KIF26B: variants seen among roughly 807,000 people sequenced by gnomAD.
KIF26B encodes kinesin family member 26B, also known as kinesin-like protein KIF26B.
Under a neutral mutation model 151.2 loss-of-function variants are expected in KIF26B, and 63 were observed. That is an observed-to-expected ratio of 0.42 (90% CI 0.34 to 0.51). The LOEUF (loss-of-function observed/expected upper bound fraction) is 0.51, where lower values mean the gene tolerates loss of function less well. KIF26B is among the 20% of genes least tolerant of loss of function. KIF26B has a pLI of 0.07. For missense variants in KIF26B, 2,813 were observed against 2,913.6 expected (o/e 0.97, Z 0.79); for synonymous variants, 1,357 against 1,262.1 (o/e 1.08, Z -1.59).
At position 245,704,059 on chromosome 1, in the gene KIF26B, T is replaced by TTGATTGA. The variant is rs1305945704; in HGVS notation, c.*1457_*1458insTGATGAT. The TTGATTGA allele has an allele frequency of 6.6e-6, 1 of 151,860 alleles. No homozygotes were observed. Among genetic ancestry groups the TTGATTGA allele is most frequent in the African/African-American group, 2.4e-5 (1 of 41,268 alleles). The allele number at this position is 151,860 out of a possible 1,614,324, so 9.4% of individuals were successfully genotyped here. A position where few individuals can be genotyped will look rare whatever the true frequency, so the allele number is the denominator to read the frequency against. ...GGAATTATGATACCCATTTTAGTGA[T>TTGATTGA]TGATAGAAACCTGGGGTACAGAGTG... is the stretch of plus-strand genomic sequence containing the variant. On this transcript the variant is annotated 3_prime_UTR_variant, in exon 15 of 15. Transcript: ENST00000407071.
chr1:245,684,293 C>G lies in KIF26B; in HGVS notation c.2319C>G (p.Thr773=), dbSNP rs1248156203. ...TGGGGAACATGAACTGCCGTACCAC[C>G]ATGATCGCGCACATCTCGGCCGCGG... ...ESLGNMNCRT[T]MIAHISAAVG... is the part of the protein sequence containing the mutation. Residue 773 remains threonine, a synonymous_variant, in exon 11 of 15, where the codon ACC becomes ACG. Coordinates refer to ENST00000407071, the MANE Select transcript of KIF26B (RefSeq NM_018012.4). The G allele has an allele frequency of 5.6e-6, 9 of 1,613,882 alleles. No individual in the cohort carries two copies. Among genetic ancestry groups the G allele is most frequent in the Non-Finnish European group, 7.6e-6 (9 of 1,179,888 alleles).
At chr1:245,692,410 C>T (rs1434278563) in intron 12 of KIF26B, among the ~76,000 whole-genome samples, 1 of 152,164 alleles carries the variant, frequency 6.6e-6, no homozygotes, top group African/African-American at 2.4e-5. Flanking sequence ...AAGGCAAAGG[C>T]TGCAGAGAAA....
intron 4 of KIF26B, among the ~76,000 whole-genome samples, chr1:245,501,936 C>G (rs1660630027): frequency 6.6e-6 from 1 of 152,202 alleles, no homozygotes. Flanking sequence ...GCTGTACCAT[C>G]TATATAATAA....
At position 245,707,490 on chromosome 1, in the gene KIF26B, A is replaced by G. The variant is rs2044857567; in HGVS notation, c.*4884A>G. 1 of 152,240 alleles carries G rather than the reference A, an allele frequency of 6.6e-6. No individual in the cohort carries two copies. The highest frequency in any genetic ancestry group is 6.5e-5 in the Admixed American group (1 of 15,288). The allele number at this position is 152,240 out of a possible 1,614,324, so 9.4% of individuals were successfully genotyped here. On this transcript the variant is annotated 3_prime_UTR_variant, in exon 15 of 15. Coordinates refer to ENST00000407071, the MANE Select transcript of KIF26B (RefSeq NM_018012.4). ...TGAACTCAGGATGTTGCTTTACAGCATTGCTCGTGTTCTCTCATTTACTTA... is the reference window on the plus strand; with the variant it reads ...TGAACTCAGGATGTTGCTTTACAGCGTTGCTCGTGTTCTCTCATTTACTTA...
chr1:245,303,863 C>T (rs970065317), intron 2 of KIF26B, among the ~76,000 whole-genome samples: 1 of 152,222 alleles, frequency 6.6e-6, no homozygotes, highest in Non-Finnish European at 1.5e-5. Flanking sequence ...GTGACATCGT[C>T]TTTGGCTGTG....
intron 2 of KIF26B, among the ~76,000 whole-genome samples, chr1:245,360,998 A>AAAAT (rs1312983441): frequency 6.6e-6 from 1 of 152,198 alleles, no homozygotes; most frequent in Non-Finnish European, 1.5e-5. Context: ...CTCTGTCTCA[A>AAAAT]AAATAAATAA....
intron 2 of KIF26B, among the ~76,000 whole-genome samples, chr1:245,199,830 TCCATCCATCCATCCAC>T (rs1252245770): frequency 0.026 from 789 of 30,338 alleles, 22 homozygotes; most frequent in Admixed American, 0.22. Flanking sequence ...CATCCATCCA[TCCATCCATCCATCCAC>T]CCATCCACTT....
At chr1:245,391,063 G>A (rs1393420064) in intron 3 of KIF26B, among the ~76,000 whole-genome samples, 1 of 151,108 alleles carries the variant, frequency 6.6e-6, no homozygotes, top group East Asian at 2.0e-4. Context: ...GGTAAGATTT[G>A]TGGTGATATT....
chr1:245,481,878 G>T (rs779997090), intron 4 of KIF26B, among the ~76,000 whole-genome samples: 1 of 151,634 alleles, frequency 6.6e-6, no homozygotes, highest in Non-Finnish European at 1.5e-5. Context: ...CTGACAGCAC[G>T]CTCCAGTCTT....
At position 245,155,421 on chromosome 1, in the gene KIF26B, C is replaced by G. The variant is rs1176232498; in HGVS notation, c.-4C>G. 6.2e-7 allele frequency: 1 copy of G among 1,609,246 alleles called. No individual in the cohort carries two copies. The highest frequency in any genetic ancestry group is 2.2e-5 in the East Asian group (1 of 44,762). ...TTTAGATACTCTCCTCTGGAAAAGC[C>G]ACCATGAATTCGGTAGCTGGGAATA... is the stretch of plus-strand genomic sequence containing the variant. On this transcript the variant is annotated 5_prime_UTR_variant, in exon 1 of 15. Transcript: ENST00000407071.
At chr1:245,523,695 T>C (rs963843455) in intron 4 of KIF26B, among the ~76,000 whole-genome samples, 3 of 152,156 alleles carry the variant, frequency 2.0e-5, no homozygotes, top group Non-Finnish European at 4.4e-5. Context: ...GGCTCCACCC[T>C]CATGACCTAA....
chr1:245,247,037 G>A (rs774886354), intron 2 of KIF26B, among the ~76,000 whole-genome samples: 1 of 152,060 alleles, frequency 6.6e-6, no homozygotes, highest in Non-Finnish European at 1.5e-5. Context: ...GATTGTAAGT[G>A]CAGAGGGGCC....
At chr1:245,420,550 G>A (rs1572053468) in intron 4 of KIF26B, among the ~76,000 whole-genome samples, 1 of 152,200 alleles carries the variant, frequency 6.6e-6, no homozygotes, top group Non-Finnish European at 1.5e-5. Flanking sequence ...CTGAACCTTG[G>A]AAAACTTTCT....
Position 245,414,863 on chromosome 1 carries a change from C to T in KIF26B, c.1000-4716C>T, listed in dbSNP as rs76664060. Among the ~76,000 whole-genome samples, 686 of 152,270 alleles carry T rather than the reference C, an allele frequency of 4.5e-3. 3 individuals are homozygous for T. Among genetic ancestry groups the T allele is most frequent in the African/African-American group, 0.016 (647 of 41,550 alleles). On this transcript the variant is annotated intron_variant, in intron 3 of 14. Transcript: ENST00000407071. ...TAAGCAAAGTTTACCTTTTGTAATCCCCCAAGTCTGTCTGGTGCTCAGGTT... is the reference window on the plus strand; with the variant it reads ...TAAGCAAAGTTTACCTTTTGTAATCTCCCAAGTCTGTCTGGTGCTCAGGTT...
chr1:245,245,099 A>G (rs1031702806), intron 2 of KIF26B, among the ~76,000 whole-genome samples: 1 of 152,192 alleles, frequency 6.6e-6, no homozygotes, highest in Non-Finnish European at 1.5e-5. Flanking sequence ...CACTCAGAAG[A>G]AAAAAGAACT....
intron 9 of KIF26B, among the ~76,000 whole-genome samples, chr1:245,619,595 A>C (rs959499749): frequency 1.7e-5 from 2 of 114,974 alleles, no homozygotes; most frequent in African/African-American, 6.9e-5. Context: ...AATAGAGGGA[A>C]ACTGTTTCAA....
rs1473307774 is a variant in KIF26B, at chr1:245,560,751, C to T, written c.1350+19801C>T. On this transcript the variant is annotated intron_variant, in intron 5 of 14. Coordinates refer to ENST00000407071, the MANE Select transcript of KIF26B (RefSeq NM_018012.4). This position sits in a 1 kb window ranked among gnomAD's most constrained non-coding sequence, Gnocchi z 4.3. The stretch of plus-strand genomic sequence containing the variant: ...TTAAACCTGCTGTCAAATGAGCTGC[C>T]TCCACTGAAGACTCCCCTCCGCTCC... 6.6e-6 allele frequency among the ~76,000 whole-genome samples: 1 copy of T among 152,198 alleles called. No individual in the cohort carries two copies. The highest frequency in any genetic ancestry group is 2.4e-5 in the African/African-American group (1 of 41,438).
rs865988476 is a variant in KIF26B at position 245,164,017 on chromosome 1, C to G, written c.465+7334C>G. ...GTTACATTGGCTGGTACTCCTGACA[C>G]AATGTTACATAATAGCGATATAGTG... On this transcript the variant is annotated intron_variant, in intron 2 of 14. Coordinates refer to ENST00000407071, the MANE Select transcript of KIF26B (RefSeq NM_018012.4). Among the ~76,000 whole-genome samples, 8 of 152,082 alleles carry G rather than the reference C, an allele frequency of 5.3e-5. No homozygotes were observed. In the South Asian group the frequency reaches 1.2e-3, roughly 24 times the overall value.
intron 3 of KIF26B, among the ~76,000 whole-genome samples, chr1:245,407,978 C>T (rs1024279860): frequency 3.9e-5 from 6 of 152,066 alleles, no homozygotes; most frequent in Admixed American, 2.6e-4. Context: ...AACAAGTGGT[C>T]AAGACATGCT....
Sources: gnomAD v4.1 joint callset for allele counts (sites outside exome capture counted in the v4.1 genomes callset) on GRCh38, gnomAD v4.1.1 for gene constraint, Gnocchi (gnomAD v3.1) non-coding constraint, MANE v1.5 for transcripts, NCBI Gene and HGNC (gene_info 2026-07-23, HGNC 2026-07-21) for gene names.